PIK3C2G: variants seen among roughly 807,000 people sequenced by gnomAD.
The protein encoded by PIK3C2G is phosphatidylinositol-4-phosphate 3-kinase catalytic subunit type 2 gamma.
Under a neutral mutation model 181.1 loss-of-function variants are expected in PIK3C2G, and 168 were observed. That is an observed-to-expected ratio of 0.93 (90% CI 0.82 to 1.05). The LOEUF is 1.05. Ranked by LOEUF, PIK3C2G falls within the 50% of genes least tolerant of loss-of-function variation. PIK3C2G has a pLI of 0.00. For synonymous variants in PIK3C2G, 573 were observed against 592.2 expected, an observed-to-expected ratio of 0.97 and a Z score of 0.47; for missense variants, 1,869 against 1,732.8, an observed-to-expected ratio of 1.08 and a Z score of -1.40.
At chr12:18,382,581 G>C (rs1490669522) in intron 14 of PIK3C2G, among the ~76,000 whole-genome samples, 1 of 152,114 alleles carries the variant, frequency 6.6e-6, no homozygotes, top group Non-Finnish European at 1.5e-5. Context: ...CTCTAGAACA[G>C]AGTTTTTCAG....
intron 18 of PIK3C2G, among the ~76,000 whole-genome samples, chr12:18,478,902 G>A (rs1939270904): frequency 6.6e-6 from 1 of 150,946 alleles, no homozygotes; most frequent in Non-Finnish European, 1.5e-5. Flanking sequence ...TGGAGCCTGT[G>A]AAGTAAAGGC....
chr12:18,439,654 TC>T (rs1485071927), intron 18 of PIK3C2G, among the ~76,000 whole-genome samples: 1 of 152,018 alleles, frequency 6.6e-6, no homozygotes, highest in Non-Finnish European at 1.5e-5. Flanking sequence ...GTCTCATGAA[TC>T]AATACCCTTT....
intron 5 of PIK3C2G, among the ~76,000 whole-genome samples, chr12:18,308,100 T>C (rs1276543308): frequency 6.6e-6 from 1 of 151,876 alleles, no homozygotes; most frequent in Non-Finnish European, 1.5e-5. Flanking sequence ...CTAACCGCTA[T>C]ACTAGACAGC....
At chr12:18,390,779 C>G (rs967164449) in intron 14 of PIK3C2G, among the ~76,000 whole-genome samples, 3 of 151,758 alleles carry the variant, frequency 2.0e-5, no homozygotes, top group Non-Finnish European at 2.9e-5. Flanking sequence ...ATTTTAACAC[C>G]GAAATGTAAA....
chr12:18,485,924 T>G (rs755595980), intron 18 of PIK3C2G, among the ~76,000 whole-genome samples: 2 of 152,174 alleles, frequency 1.3e-5, no homozygotes, highest in Admixed American at 6.6e-5. Context: ...AAAACTACAA[T>G]ATTTAGGATT....
chr12:18,474,421 C>G (rs1403168364), intron 18 of PIK3C2G, among the ~76,000 whole-genome samples: 2 of 152,050 alleles, frequency 1.3e-5, no homozygotes, highest in Non-Finnish European at 2.9e-5. Context: ...CAGAATTTAC[C>G]ATGTAAAAAC....
rs549861287 is a variant in PIK3C2G, at chr12:18,629,700, T to A, written c.4183-10729T>A. Among the ~76,000 whole-genome samples, 5 of 152,228 alleles carry A rather than the reference T, an allele frequency of 3.3e-5. No homozygotes were observed. In the South Asian group the frequency reaches 1.0e-3, roughly 32 times the overall value. On this transcript the variant is annotated intron_variant, in intron 31 of 32. Coordinates refer to ENST00000538779, the MANE Select transcript of PIK3C2G (RefSeq NM_001288772.2). Reference sequence around the variant, plus strand: ...GCATTGAGACAAGCAGACTTTGACATGATTACTCCTGATTAGCCACAAAAT... The same window carrying A: ...GCATTGAGACAAGCAGACTTTGACAAGATTACTCCTGATTAGCCACAAAAT...
intron 1 of PIK3C2G, among the ~76,000 whole-genome samples, chr12:18,266,533 T>C (rs1053065313): frequency 1.8e-4 from 28 of 152,152 alleles, no homozygotes; most frequent in African/African-American, 6.8e-4. Flanking sequence ...TTACTATTAG[T>C]TCCCTATTAT....
At chr12:18,545,793 T>C (rs538187938) in intron 25 of PIK3C2G, among the ~76,000 whole-genome samples, 39 of 152,092 alleles carry the variant, frequency 2.6e-4, no homozygotes, top group African/African-American at 8.9e-4. Context: ...TTTTATACTC[T>C]ATGTTTGCAC....
At chr12:18,599,466 G>C (rs1259909462) in intron 30 of PIK3C2G, among the ~76,000 whole-genome samples, 1 of 151,812 alleles carries the variant, frequency 6.6e-6, no homozygotes, top group Non-Finnish European at 1.5e-5. Context: ...CATGGACACA[G>C]GAAGGGGAAC....
chr12:18,652,265 A>G (rs533913746), downstream of PIK3C2G, among the ~76,000 whole-genome samples: 3 of 152,170 alleles, frequency 2.0e-5, no homozygotes, highest in Non-Finnish European at 2.9e-5. Context: ...AGTCACATAT[A>G]AGTATATGAC....
At chr12:18,434,329 C>A (rs565377457) in intron 18 of PIK3C2G, among the ~76,000 whole-genome samples, 1 of 152,114 alleles carries the variant, frequency 6.6e-6, no homozygotes, top group Non-Finnish European at 1.5e-5. Context: ...ATTTCCAGCT[C>A]ATGAATTTTT....
At chr12:18,680,822 T>A in the PIK3C2G span, among the ~76,000 whole-genome samples, 1 of 151,868 alleles carries the variant, frequency 6.6e-6, no homozygotes, top group African/African-American at 2.4e-5. Flanking sequence ...CTGGGGGAGA[T>A]TTCAAAAAAG....
intron 1 of PIK3C2G, among the ~76,000 whole-genome samples, chr12:18,249,997 A>G (rs1948079970): frequency 6.6e-6 from 1 of 151,984 alleles, no homozygotes; most frequent in African/African-American, 2.4e-5. Context: ...TAAATGGGGG[A>G]TGCCCTGTAC....
chr12:18,258,275 A>G (rs189703602), upstream of PIK3C2G, among the ~76,000 whole-genome samples: 11,559 of 130,416 alleles, frequency 0.089, 1,040 homozygotes, highest in East Asian at 0.51. Flanking sequence ...TACTTCCCAT[A>G]CCATTTTTTT....
chr12:18,589,579 G>T (rs1261053676), intron 29 of PIK3C2G, among the ~76,000 whole-genome samples: 1 of 151,830 alleles, frequency 6.6e-6, no homozygotes, highest in Non-Finnish European at 1.5e-5. Flanking sequence ...TATGAAGGAA[G>T]GAAAAATAGA....
At position 18,418,166 on chromosome 12, in the gene PIK3C2G, T is replaced by C. The variant is rs116859670; in HGVS notation, c.2316-2775T>C. ...AGTAGTTGAGGAATAAGGACACATA[T>C]GTAAAAAGATAAATTCTAATACACA... On this transcript the variant is annotated intron_variant, in intron 16 of 32. Transcript: ENST00000538779. Among the ~76,000 whole-genome samples the C allele has an allele frequency of 2.6e-3, 392 of 152,282 alleles. 2 individuals are homozygous for C. Among genetic ancestry groups the C allele is most frequent in the Non-Finnish European group, 4.2e-3 (284 of 68,014 alleles).
chr12:18,315,976 G>A (rs111630073), intron 6 of PIK3C2G, among the ~76,000 whole-genome samples: 13 of 151,772 alleles, frequency 8.6e-5, no homozygotes, highest in African/African-American at 3.1e-4. Flanking sequence ...CATGATCGGT[G>A]ATTAATAACT....
chr12:18,537,034 T>A (rs1181952036), intron 24 of PIK3C2G, among the ~76,000 whole-genome samples: 1 of 152,052 alleles, frequency 6.6e-6, no homozygotes, highest in Non-Finnish European at 1.5e-5. Context: ...GTGTTTGTTT[T>A]ATTTTAAAGA....
Sources: allele counts gnomAD v4.1 joint callset (sites outside exome capture counted in the v4.1 genomes callset), GRCh38; gene constraint gnomAD v4.1.1; transcripts MANE v1.5; gene names NCBI Gene and HGNC (gene_info 2026-07-23, HGNC 2026-07-21).